The following TENM1 variants were observed in gnomAD, a reference collection of about 807,000 sequenced individuals.
TENM1 encodes the protein teneurin-1.
Under a neutral mutation model 174.8 loss-of-function variants are expected in TENM1, and 35 were observed. The ratio of observed to expected loss-of-function variants is 0.20; its 90% CI spans 0.15 to 0.27. The LOEUF (loss-of-function observed/expected upper bound fraction) is 0.27. TENM1 is among the 10% of genes least tolerant of loss of function. TENM1 has a pLI of 1.00. For missense variants in TENM1, 1,633 were observed against 2,130.1 expected (o/e 0.77, Z 4.59); for synonymous variants, 781 against 798.7 (o/e 0.98, Z 0.37).
intron 27 of TENM1, among the ~76,000 whole-genome samples, chrX:124,404,742 T>TCCAG (rs1938688385): frequency 9.0e-6 from 1 of 111,064 alleles, no homozygotes; most frequent in Non-Finnish European, 1.9e-5. Flanking sequence ...AACACATTTC[T>TCCAG]CCAGCCAGAC....
At chrX:124,469,841 G>T (rs1314450813) in intron 22 of TENM1, among the ~76,000 whole-genome samples, 3 of 111,575 alleles carry the variant, frequency 2.7e-5, no homozygotes, top group African/African-American at 9.8e-5. Flanking sequence ...ACTGGAAGGG[G>T]ATATGAAAGT....
intron 22 of TENM1, among the ~76,000 whole-genome samples, chrX:124,479,008 C>G (rs2046791137): frequency 8.9e-6 from 1 of 112,349 alleles, no homozygotes; most frequent in African/African-American, 3.2e-5. Context: ...AATCTCACTT[C>G]TAATTCACTG....
exon 32 of TENM1, chrX:124,378,447 G>T (rs1403722455): frequency 8.9e-6 from 1 of 112,077 alleles, no homozygotes; most frequent in Non-Finnish European, 1.9e-5. Flanking sequence ...CCATTTTTAG[G>T]TTGGTGTGGA....
the TENM1 span, among the ~76,000 whole-genome samples, chrX:125,132,811 T>G: frequency 9.0e-6 from 1 of 111,508 alleles, no homozygotes; most frequent in Non-Finnish European, 1.9e-5. Flanking sequence ...TAGGGCCTAA[T>G]TCTTAACTAC....
intron 23 of TENM1, among the ~76,000 whole-genome samples, chrX:124,452,193 A>G (rs1258658968): frequency 2.7e-5 from 3 of 112,338 alleles, no homozygotes; most frequent in Admixed American, 9.4e-5. Context: ...CAAACAACCC[A>G]TCAACAAGTG....
At chrX:124,723,596 T>TTG (rs1376985525) in intron 4 of TENM1, among the ~76,000 whole-genome samples, 1 of 99,287 alleles carries the variant, frequency 1.0e-5, no homozygotes, top group African/African-American at 3.9e-5. Context: ...GGTGGGTTTT[T>TTG]TTTTTTGTTT....
chrX:125,023,344 A>T, the TENM1 span, among the ~76,000 whole-genome samples: 1 of 111,418 alleles, frequency 9.0e-6, no homozygotes, highest in South Asian at 3.8e-4. Flanking sequence ...CACGATGATT[A>T]TAAGTTTCGT....
intron 4 of TENM1, among the ~76,000 whole-genome samples, chrX:124,734,135 AAAAG>A (rs1472232353): frequency 4.0e-4 from 44 of 110,741 alleles, no homozygotes; most frequent in African/African-American, 1.4e-3. Flanking sequence ...TTTCAATTAA[AAAAG>A]AAAGAAAAGA....
chrX:124,954,649 G>C (rs954770374), intron 1 of TENM1, among the ~76,000 whole-genome samples: 54 of 111,486 alleles, frequency 4.8e-4, no homozygotes, highest in Non-Finnish European at 7.9e-4. Context: ...TAGGGGCAGA[G>C]TTTACTGCTT....
intron 3 of TENM1, among the ~76,000 whole-genome samples, chrX:124,770,443 T>C (rs2054627224): frequency 8.9e-6 from 1 of 111,834 alleles, no homozygotes; most frequent in East Asian, 2.8e-4. Flanking sequence ...TCTTGCTCTG[T>C]TGTACAGGCT....
the TENM1 span, among the ~76,000 whole-genome samples, chrX:125,067,460 G>A: frequency 1.7e-4 from 19 of 111,227 alleles, no homozygotes; most frequent in African/African-American, 6.2e-4. Flanking sequence ...TTGACAGAGC[G>A]AGGGAAATAT....
intron 5 of TENM1, among the ~76,000 whole-genome samples, chrX:124,702,284 G>A (rs1199718875): frequency 9.0e-6 from 1 of 111,649 alleles, no homozygotes; most frequent in African/African-American, 3.2e-5. Flanking sequence ...CTTCTGAGGT[G>A]GTCACCAATA....
chrX:124,575,207 T>C (rs1267015516), intron 11 of TENM1, among the ~76,000 whole-genome samples: 2 of 112,065 alleles, frequency 1.8e-5, no homozygotes, highest in African/African-American at 3.2e-5. Flanking sequence ...CTTGCTATGA[T>C]AAAGATTTGG....
At chrX:125,105,163 G>A in the TENM1 span, among the ~76,000 whole-genome samples, 1 of 111,480 alleles carries the variant, frequency 9.0e-6, no homozygotes, top group East Asian at 2.8e-4. Flanking sequence ...AAACCGAAAA[G>A]GTTATTTTTG....
chrX:124,818,765 T>C (rs1028076060), intron 3 of TENM1, among the ~76,000 whole-genome samples: 2 of 111,669 alleles, frequency 1.8e-5, no homozygotes, highest in Non-Finnish European at 3.8e-5. Context: ...GGATTTGGTT[T>C]GAGATTTTCT....
the TENM1 span, among the ~76,000 whole-genome samples, chrX:124,974,616 T>C: frequency 9.1e-6 from 1 of 109,896 alleles, no homozygotes; most frequent in Non-Finnish European, 1.9e-5. Context: ...TCTGAATGAA[T>C]GTGTCTTTAT....
the TENM1 span, among the ~76,000 whole-genome samples, chrX:125,100,330 T>C: frequency 9.0e-6 from 1 of 111,587 alleles, no homozygotes; most frequent in Non-Finnish European, 1.9e-5. Context: ...AGATACCACA[T>C]TGTGGAATTG....
chrX:124,489,594 A>G (rs774507836), intron 20 of TENM1, among the ~76,000 whole-genome samples: 1 of 111,767 alleles, frequency 8.9e-6, no homozygotes, highest in Admixed American at 9.5e-5. Context: ...ATATAAATTG[A>G]ACCGTTAAAT....
chrX:124,820,330 C>A (rs1030349861), intron 3 of TENM1, among the ~76,000 whole-genome samples: 6 of 110,957 alleles, frequency 5.4e-5, no homozygotes, highest in Non-Finnish European at 1.1e-4. Context: ...TCCCAGCCGC[C>A]CCCCCACCAC....
Sources: allele counts gnomAD v4.1 joint callset (sites outside exome capture counted in the v4.1 genomes callset), GRCh38; gene constraint gnomAD v4.1.1; transcripts MANE v1.5; gene names NCBI Gene and HGNC (gene_info 2026-07-23, HGNC 2026-07-21).